INPP4B: variants seen among roughly 807,000 people sequenced by gnomAD.
INPP4B encodes inositol polyphosphate-4-phosphatase type II B.
Under a neutral mutation model 122.5 loss-of-function variants are expected in INPP4B, and 55 were observed. The ratio of observed to expected loss-of-function variants is 0.45; its 90% CI spans 0.36 to 0.56. INPP4B has a LOEUF of 0.56. INPP4B is among the 20% of genes least tolerant of loss of function. The pLI is 0.00. For missense variants in INPP4B, 1,000 were observed against 1,097.7 expected (o/e 0.91, Z 1.26); for synonymous variants, 403 against 388.7 (o/e 1.04, Z -0.43).
At chr4:142,413,940 C>T (rs936342518) in intron 5 of INPP4B, among the ~76,000 whole-genome samples, 4 of 151,936 alleles carry the variant, frequency 2.6e-5, no homozygotes, top group African/African-American at 9.7e-5. Context: ...CCAAATAAAA[C>T]TTGAGGAAAG....
intron 2 of INPP4B, among the ~76,000 whole-genome samples, chr4:142,638,472 T>A (rs1749645421): frequency 6.6e-6 from 1 of 152,124 alleles, no homozygotes; most frequent in African/African-American, 2.4e-5. Flanking sequence ...TTGTTCCTTG[T>A]CAAAGATCAG....
intron 1 of INPP4B, among the ~76,000 whole-genome samples, chr4:142,740,781 T>C (rs867592202): frequency 6.6e-6 from 1 of 152,152 alleles, no homozygotes; most frequent in Middle Eastern, 3.4e-3. Context: ...CTTCTAAAAA[T>C]GCATAATCCA....
intron 2 of INPP4B, among the ~76,000 whole-genome samples, chr4:142,637,252 G>C (rs974868768): frequency 2.6e-5 from 4 of 152,020 alleles, no homozygotes; most frequent in African/African-American, 9.7e-5. Context: ...TATATTCTAT[G>C]GGTTTTGACA....
At chr4:142,288,930 A>G (rs1324119670) in intron 9 of INPP4B, among the ~76,000 whole-genome samples, 1 of 152,190 alleles carries the variant, frequency 6.6e-6, no homozygotes, top group African/African-American at 2.4e-5. Context: ...TGAAGGATTC[A>G]AGTATATTAT....
At chr4:142,456,554 T>G (rs1470143567) in intron 3 of INPP4B, among the ~76,000 whole-genome samples, 1 of 152,012 alleles carries the variant, frequency 6.6e-6, no homozygotes, top group Admixed American at 6.6e-5. Context: ...TGAAGTCAGG[T>G]AATGTGATTC....
intron 2 of INPP4B, among the ~76,000 whole-genome samples, chr4:142,691,379 G>A (rs982478401): frequency 6.6e-6 from 1 of 151,314 alleles, no homozygotes; most frequent in African/African-American, 2.4e-5. Flanking sequence ...ACAATCCTAG[G>A]CCTATGTTTC....
chr4:142,659,990 A>G (rs146904026), intron 2 of INPP4B, among the ~76,000 whole-genome samples: 1 of 151,950 alleles, frequency 6.6e-6, no homozygotes, highest in South Asian at 2.1e-4. Flanking sequence ...ATAACAACAG[A>G]GGTTAAAAGG....
At chr4:142,550,037 G>A (rs1456980061) in intron 2 of INPP4B, among the ~76,000 whole-genome samples, 1 of 152,130 alleles carries the variant, frequency 6.6e-6, no homozygotes, top group East Asian at 1.9e-4. Context: ...TCACTGTCAG[G>A]AACAACTGTC....
At chr4:142,156,915 C>T (rs1365319522) in intron 17 of INPP4B, among the ~76,000 whole-genome samples, 2 of 152,080 alleles carry the variant, frequency 1.3e-5, no homozygotes, top group Non-Finnish European at 2.9e-5. Context: ...GTAATTATTA[C>T]AGTCACTATC....
chr4:142,801,707 G>C (rs918394559), intron 1 of INPP4B, among the ~76,000 whole-genome samples: 7 of 152,190 alleles, frequency 4.6e-5, no homozygotes, highest in Admixed American at 4.6e-4. Context: ...TTAAAATTCA[G>C]TGATGGATAT....
chr4:142,823,987 G>A (rs151252435), intron 1 of INPP4B, among the ~76,000 whole-genome samples: 72 of 152,256 alleles, frequency 4.7e-4, no homozygotes, highest in African/African-American at 1.7e-3. Flanking sequence ...CCAATCCATT[G>A]AGGGCCTGAA....
At chr4:142,218,501 A>C (rs1200099859) in intron 12 of INPP4B, among the ~76,000 whole-genome samples, 1 of 152,208 alleles carries the variant, frequency 6.6e-6, no homozygotes, top group African/African-American at 2.4e-5. Flanking sequence ...TAGATAATTC[A>C]TTTACGGAAA....
At chr4:142,041,445 C>G (rs536774205) in intron 25 of INPP4B, among the ~76,000 whole-genome samples, 1 of 152,154 alleles carries the variant, frequency 6.6e-6, no homozygotes, top group Admixed American at 6.6e-5. Flanking sequence ...TGGTGAAACC[C>G]CGCCTCTACT....
chr4:142,833,780 C>G (rs1205356717), intron 1 of INPP4B, among the ~76,000 whole-genome samples: 1 of 152,042 alleles, frequency 6.6e-6, no homozygotes, highest in South Asian at 2.1e-4. Flanking sequence ...GTTTCTAATG[C>G]TAGAATGTGC....
chr4:142,788,120 G>A (rs1776006810), intron 1 of INPP4B, among the ~76,000 whole-genome samples: 3 of 151,986 alleles, frequency 2.0e-5, no homozygotes, highest in Admixed American at 1.3e-4. Flanking sequence ...GTGGCGCAGA[G>A]CATAGCAATT....
At position 142,634,786 on chromosome 4, in the gene INPP4B, A is replaced by G. The variant is rs575668148; in HGVS notation, c.-191+91053T>C. On this transcript the variant is annotated intron_variant, in intron 2 of 25. Transcript: ENST00000262992. ...AAATACAACCACTATTACCATTTCT[A>G]TCAATATTATAGTGGAGGTTCTGGT... Among the ~76,000 whole-genome samples the G allele has an allele frequency of 7.9e-5, 12 of 152,206 alleles. No homozygotes were observed. The South Asian group carries it at 1.9e-3, about 24-fold the overall frequency.
At chr4:142,122,310 G>T (rs1417554969) in intron 20 of INPP4B, 65 bp from the exon 21 acceptor site, 3 of 1,138,908 alleles carry the variant, frequency 2.6e-6, no homozygotes, top group African/African-American at 1.6e-5. Flanking sequence ...TAGCTACTAT[G>T]CCTCCCTGCT....
intron 3 of INPP4B, among the ~76,000 whole-genome samples, chr4:142,455,772 C>A (rs1484205051): frequency 6.6e-6 from 1 of 152,020 alleles, no homozygotes; most frequent in Non-Finnish European, 1.5e-5. Flanking sequence ...TTTCCTCCAG[C>A]AGTGTATGGG....
chr4:142,752,642 G>C (rs1769902098), intron 1 of INPP4B, among the ~76,000 whole-genome samples: 1 of 152,060 alleles, frequency 6.6e-6, no homozygotes, highest in Admixed American at 6.6e-5. Flanking sequence ...GAATGCAGCT[G>C]TCAGGCAGCA....
Sources: gnomAD v4.1 joint callset for allele counts (sites outside exome capture counted in the v4.1 genomes callset) on GRCh38, gnomAD v4.1.1 for gene constraint, MANE v1.5 for transcripts, NCBI Gene and HGNC (gene_info 2026-07-23, HGNC 2026-07-21) for gene names.